Variants in ABCG2 observed in about 807,000 individuals in gnomAD.
ABCG2 encodes the protein broad substrate specificity ATP-binding cassette transporter ABCG2.
Under a neutral mutation model 73.5 loss-of-function variants are expected in ABCG2, and 80 were observed. The observed-to-expected ratio is 1.09, with a 90% CI of 0.91 to 1.31. The LOEUF is 1.31. Among genes scored for constraint, ABCG2 ranks in the 50% most tolerant of loss-of-function variants. ABCG2 has a pLI of 0.00. For missense variants in ABCG2, 796 were observed against 786.2 expected, an observed-to-expected ratio of 1.01 and a Z score of -0.15; for synonymous variants, 269 against 282.4, an observed-to-expected ratio of 0.95 and a Z score of 0.48.
In ABCG2 at chr4:88,113,463, G is replaced by A. The variant is rs772386568; in HGVS notation, c.1034C>T (p.Thr345Ile). 1 of 1,614,048 alleles carries A rather than the reference G, an allele frequency of 6.2e-7. No individual in the cohort carries two copies. The highest frequency in any genetic ancestry group is 8.5e-7 in the Non-Finnish European group (1 of 1,180,018). Residue 345 changes from threonine (T) to isoleucine (I), a missense_variant, in exon 9 of 16, where the codon ACA becomes ATA. Transcript: ENST00000237612. ...GGAAAGTTGATGTAATTCAGCTTTT[G>A]TCTCTTTGTAGAAGGAGGAGTTGAC... Reference protein sequence around the residue: ...IYVNSSFYKETKAELHQLSGG... With the variant: ...IYVNSSFYKEIKAELHQLSGG...
chr4:88,213,552 T>A (rs10023457), intron 1 of ABCG2, among the ~76,000 whole-genome samples: 59,351 of 151,832 alleles, frequency 0.39, 12,531 homozygotes, highest in East Asian at 0.6. Flanking sequence ...ATCCCCTTTT[T>A]CCTAACTCAA....
chr4:88,136,744 G>A (rs753903634), intron 2 of ABCG2, among the ~76,000 whole-genome samples: 41 of 151,486 alleles, frequency 2.7e-4, no homozygotes, highest in Non-Finnish European at 5.2e-4. Flanking sequence ...GGCTGGGCAC[G>A]GTGGCTTATG....
At chr4:88,207,494 G>T (rs541684419) in intron 1 of ABCG2, among the ~76,000 whole-genome samples, 2 of 152,012 alleles carry the variant, frequency 1.3e-5, no homozygotes, top group South Asian at 4.2e-4. Context: ...TCTGCTATTG[G>T]GTGCTGAGAT....
chr4:88,184,396 T>C (rs1728370830), intron 1 of ABCG2, among the ~76,000 whole-genome samples: 1 of 152,182 alleles, frequency 6.6e-6, no homozygotes, highest in Non-Finnish European at 1.5e-5. Context: ...ATCAGTAGCA[T>C]TTCTATATGT....
intron 2 of ABCG2, among the ~76,000 whole-genome samples, chr4:88,137,783 G>A (rs1285402551): frequency 1.3e-5 from 2 of 152,222 alleles, no homozygotes; most frequent in African/African-American, 4.8e-5. Context: ...AACATGAAGA[G>A]ACAAAGTGAT....
intron 11 of ABCG2, 85 bp downstream of exon 11, chr4:88,101,145 C>G (rs542630530): frequency 8.7e-7 from 1 of 1,148,304 alleles, no homozygotes; most frequent in South Asian, 1.4e-5. Flanking sequence ...GGATCCCATC[C>G]TTGGCCCCAA....
At chr4:88,182,397 A>C (rs1349138327) in intron 1 of ABCG2, among the ~76,000 whole-genome samples, 1 of 152,204 alleles carries the variant, frequency 6.6e-6, no homozygotes, top group African/African-American at 2.4e-5. Flanking sequence ...AATACACCAA[A>C]TGAAACTAAT....
chr4:88,151,985 ACTT>A (rs1482266636), intron 1 of ABCG2, among the ~76,000 whole-genome samples: 1 of 152,154 alleles, frequency 6.6e-6, no homozygotes, highest in Non-Finnish European at 1.5e-5. Context: ...TAAACACAGT[ACTT>A]CTTCATTGCT....
chr4:88,134,475 T>C (rs149637857), intron 2 of ABCG2, among the ~76,000 whole-genome samples: 114 of 152,334 alleles, frequency 7.5e-4, no homozygotes, highest in African/African-American at 2.6e-3. Flanking sequence ...TCCCTCTAAA[T>C]GTGTAAAACA....
At position 88,205,746 on chromosome 4, in the gene ABCG2, G is replaced by A. The variant is rs775630036; in HGVS notation, c.-20+25248C>T. 4.2e-4 allele frequency among the ~76,000 whole-genome samples: 64 copies of A among 152,012 alleles called. 1 individual carries two copies. The highest frequency in any genetic ancestry group is 3.3e-4 in the Admixed American group (5 of 15,248). ...CGCCCAGGCTGGAGTGCAGTGGCGC[G>A]ATCTCAGCTCACTGCAACCTCTGCC... On this transcript the variant is annotated intron_variant, in intron 1 of 15. Coordinates refer to the ABCG2 transcript ENST00000515655.
chr4:88,202,374 ATATG>A (rs1553945725), intron 1 of ABCG2, among the ~76,000 whole-genome samples: 5 of 115,740 alleles, frequency 4.3e-5, no homozygotes, highest in Admixed American at 9.3e-5. Flanking sequence ...ATATATATAT[ATATG>A]TATATTTTAA....
chr4:88,159,343 A>T (rs59172759), upstream of ABCG2: 4,560 of 386,270 alleles, frequency 0.012, 142 homozygotes, highest in African/African-American at 0.064. Context: ...GGTGAATGGG[A>T]TTCTGAGAAA....
intron 1 of ABCG2, among the ~76,000 whole-genome samples, chr4:88,200,013 A>G (rs1158705142): frequency 2.6e-5 from 4 of 151,624 alleles, no homozygotes; most frequent in Non-Finnish European, 5.9e-5. Flanking sequence ...AAAAAAAGTT[A>G]TTTTACTTTA....
chr4:88,131,359 G>C (rs897574526), intron 4 of ABCG2, 146 bp from the exon 5 acceptor site: 4 of 830,086 alleles, frequency 4.8e-6, no homozygotes, highest in Non-Finnish European at 7.5e-6. Flanking sequence ...TTCTGCAAAT[G>C]ACAGTTAACT....
intron 1 of ABCG2, among the ~76,000 whole-genome samples, chr4:88,166,372 T>C (rs1349525833): frequency 6.6e-6 from 1 of 152,194 alleles, no homozygotes; most frequent in Non-Finnish European, 1.5e-5. Flanking sequence ...TGCTTTCCCA[T>C]AGAACCCTTT....
chr4:88,104,720 C>T (rs528579369), intron 10 of ABCG2, among the ~76,000 whole-genome samples: 1 of 151,814 alleles, frequency 6.6e-6, no homozygotes, highest in African/African-American at 2.4e-5. Flanking sequence ...CCCAGGAGTT[C>T]AAAGCTGCAG....
At chr4:88,153,536 G>C (rs1387190312) in intron 1 of ABCG2, among the ~76,000 whole-genome samples, 3 of 140,608 alleles carry the variant, frequency 2.1e-5, no homozygotes, top group African/African-American at 7.5e-5. Context: ...CCTGAAGATT[G>C]AGGATGGTAA....
chr4:88,164,010 T>TTA (rs1206595417), upstream of ABCG2: 4 of 152,720 alleles, frequency 2.6e-5, no homozygotes, highest in Non-Finnish European at 4.4e-5. Context: ...AAAATTGCCT[T>TTA]TATATATTTT....
At chr4:88,130,050 AAC>A (rs759755589) in intron 5 of ABCG2, among the ~76,000 whole-genome samples, 7 of 152,244 alleles carry the variant, frequency 4.6e-5, no homozygotes, top group Non-Finnish European at 8.8e-5. Context: ...TATTAAAAAA[AAC>A]AGACACTACA....
Sources: allele counts gnomAD v4.1 joint callset (sites outside exome capture counted in the v4.1 genomes callset), GRCh38; gene constraint gnomAD v4.1.1; transcripts MANE v1.5; gene names NCBI Gene and HGNC (gene_info 2026-07-23, HGNC 2026-07-21).